KANSL1: variants seen among roughly 807,000 people sequenced by gnomAD.
KANSL1 encodes the protein KAT8 regulatory NSL complex subunit 1.
In KANSL1, 22 loss-of-function variants were observed where a neutral mutation model predicts 103.6. That is an observed-to-expected ratio of 0.21 (90% CI 0.15 to 0.30). The LOEUF (loss-of-function observed/expected upper bound fraction) is 0.30, where lower values mean the gene tolerates loss of function less well. KANSL1 is among the 10% of genes least tolerant of loss of function. KANSL1 has a pLI of 1.00. For missense variants in KANSL1, 1,337 were observed against 1,399.8 expected, an observed-to-expected ratio of 0.96 and a Z score of 0.72; for synonymous variants, 600 against 527.6, an observed-to-expected ratio of 1.14 and a Z score of -1.88.
chr17:46,180,684 T>TCAAAAA (rs1229333403), intron 1 of KANSL1, among the ~76,000 whole-genome samples: 7 of 151,832 alleles, frequency 4.6e-5, no homozygotes, highest in African/African-American at 1.7e-4. Context: ...AGGCTCTGTC[T>TCAAAAA]CAAAAACAAA....
chr17:46,151,789 G>C (rs919793456), intron 2 of KANSL1, among the ~76,000 whole-genome samples: 1 of 152,224 alleles, frequency 6.6e-6, no homozygotes, highest in Non-Finnish European at 1.5e-5. Flanking sequence ...GCTACTCCTA[G>C]AACAGGGGTT....
intron 2 of KANSL1, among the ~76,000 whole-genome samples, chr17:46,155,295 C>T (rs1274113790): frequency 6.6e-6 from 1 of 151,738 alleles, no homozygotes; most frequent in African/African-American, 2.4e-5. Context: ...GTAGCTGGGA[C>T]TACAGGCGTG....
intron 6 of KANSL1, among the ~76,000 whole-genome samples, chr17:46,064,884 T>TA (rs1446730515): frequency 1.3e-5 from 2 of 152,004 alleles, no homozygotes; most frequent in Non-Finnish European, 2.9e-5. Context: ...ATTAATTAAT[T>TA]TTTTATTATT....
In KANSL1 at chr17:46,119,122, T is replaced by C. The variant is rs113521294; in HGVS notation, c.1290-24421A>G. ...CTGAATGCTTCCTTTGTTCCGGGCA[T>C]TGTGCTACAACATTACATGACTTTT... On this transcript the variant is annotated intron_variant, in intron 2 of 14. Transcript: ENST00000432791. Among the ~76,000 whole-genome samples, 202 of 152,358 alleles carry C rather than the reference T, an allele frequency of 1.3e-3. 1 individual carries two copies. Among genetic ancestry groups the C allele is most frequent in the African/African-American group, 4.6e-3 (191 of 41,582 alleles).
intron 2 of KANSL1, chr17:46,148,355 A>G (rs971107277): frequency 6.6e-6 from 1 of 152,246 alleles, no homozygotes; most frequent in Non-Finnish European, 1.5e-5. Context: ...CATTAAAAAC[A>G]ATTTTAATAT....
intron 2 of KANSL1, among the ~76,000 whole-genome samples, chr17:46,136,637 C>T (rs2044157714): frequency 6.6e-6 from 1 of 152,186 alleles, no homozygotes; most frequent in African/African-American, 2.4e-5. Flanking sequence ...TCGTCACCCA[C>T]CCCACCTAGG....
intron 2 of KANSL1, among the ~76,000 whole-genome samples, chr17:46,110,756 A>G (rs2147101731): frequency 6.6e-6 from 1 of 152,358 alleles, no homozygotes; most frequent in East Asian, 1.9e-4. Context: ...GAAAAGAATC[A>G]CAAGTATTTG....
At chr17:46,054,381 C>A (rs1383063318) in intron 6 of KANSL1, among the ~76,000 whole-genome samples, 1 of 150,830 alleles carries the variant, frequency 6.6e-6, no homozygotes, top group African/African-American at 2.4e-5. Context: ...TTGGCAGAAT[C>A]CAACCACTTC....
intron 3 of KANSL1, among the ~76,000 whole-genome samples, chr17:46,085,613 A>G (rs1436648920): frequency 6.6e-6 from 1 of 152,176 alleles, no homozygotes; most frequent in African/African-American, 2.4e-5. Flanking sequence ...CCTCAACCCC[A>G]TAAATAGCTG....
At chr17:46,142,909 A>G (rs887081218) in intron 2 of KANSL1, among the ~76,000 whole-genome samples, 2 of 152,244 alleles carry the variant, frequency 1.3e-5, no homozygotes, top group African/African-American at 4.8e-5. Flanking sequence ...TAAATACAAA[A>G]AGCAAAGCCT....
rs200561483 is a variant in KANSL1, at chr17:46,067,596, A to T, written c.1605T>A (p.Ser535=). ...PIIGHISESL[S]TKSCGALRPV... ...GTCTGAGTGCTCCACATGATTTGGT[A>T]GACAGTGACTCTGAAATATGACCAA... Residue 535 remains serine (S), a synonymous_variant, in exon 5 of 15, where the codon TCT becomes TCA. Transcript: ENST00000432791. 6.2e-7 allele frequency: 1 copy of T among 1,609,318 alleles called. No homozygotes were observed. The highest frequency in any genetic ancestry group is 8.5e-7 in the Non-Finnish European group (1 of 1,175,754).
chr17:46,045,373 A>C (rs1294241734), intron 7 of KANSL1: 1 of 151,982 alleles, frequency 6.6e-6, no homozygotes, highest in Non-Finnish European at 1.5e-5. Context: ...TCAGGTCTTC[A>C]GGTCAACCAA....
At chr17:46,201,284 C>G (rs2047797113) in intron 1 of KANSL1, among the ~76,000 whole-genome samples, 1 of 152,302 alleles carries the variant, frequency 6.6e-6, no homozygotes, top group Admixed American at 6.5e-5. Context: ...GAACATACAG[C>G]TACAAACGGG....
At chr17:46,079,332 T>C (rs1482200493) in intron 4 of KANSL1, among the ~76,000 whole-genome samples, 1 of 152,222 alleles carries the variant, frequency 6.6e-6, no homozygotes, top group Non-Finnish European at 1.5e-5. Context: ...AAAAAGACTA[T>C]GTATCCTTGC....
At chr17:46,132,319 G>A (rs2043903460) in intron 2 of KANSL1, among the ~76,000 whole-genome samples, 1 of 152,172 alleles carries the variant, frequency 6.6e-6, no homozygotes, top group Admixed American at 6.5e-5. Flanking sequence ...AACCAAATGA[G>A]ATAGTGTATA....
chr17:46,204,708 C>G (rs1255158800), intron 1 of KANSL1, among the ~76,000 whole-genome samples: 1 of 152,184 alleles, frequency 6.6e-6, no homozygotes, highest in Non-Finnish European at 1.5e-5. Flanking sequence ...CTCAACAAAG[C>G]AAAATGAATC....
At chr17:46,153,301 T>A (rs2045226674) in intron 2 of KANSL1, among the ~76,000 whole-genome samples, 1 of 152,256 alleles carries the variant, frequency 6.6e-6, no homozygotes. Context: ...CCTCTTTAAA[T>A]TTCCCTTCTA....
At chr17:46,205,630 G>A (rs1278208374) in intron 1 of KANSL1, among the ~76,000 whole-genome samples, 6 of 139,408 alleles carry the variant, frequency 4.3e-5, no homozygotes, top group South Asian at 2.2e-4. Context: ...GCAATGAGCC[G>A]AGATCACACC....
Position 46,033,371 on chromosome 17 carries a change from G to A in KANSL1, c.2724+32C>T, listed in dbSNP as rs369804494. On this transcript the variant is annotated intron_variant, in intron 12 of 14. Coordinates refer to ENST00000432791, the MANE Select transcript of KANSL1 (RefSeq NM_015443.4). The stretch of plus-strand genomic sequence containing the variant: ...TATGTATGTGTGCATGTGTACACAC[G>A]TGTTCTTCTAACAGAAGAACCAGGC... The A allele has an allele frequency of 7.3e-5, 117 of 1,594,452 alleles. 1 individual carries two copies. In the Middle Eastern group the frequency reaches 2.5e-3, roughly 34 times the overall value.
Sources: allele counts gnomAD v4.1 joint callset (sites outside exome capture counted in the v4.1 genomes callset), GRCh38; gene constraint gnomAD v4.1.1; transcripts MANE v1.5; gene names NCBI Gene and HGNC (gene_info 2026-07-23, HGNC 2026-07-21).